The following RTEL1 variants were observed in gnomAD, a reference collection of about 807,000 sequenced individuals.
RTEL1 encodes regulator of telomere length.
In RTEL1, 86 loss-of-function variants were observed where a neutral mutation model predicts 162.2. That is an observed-to-expected ratio of 0.53 (90% CI 0.45 to 0.63). The LOEUF is 0.63. RTEL1 is among the 30% of genes least tolerant of loss of function. RTEL1 has a pLI of 0.00. For synonymous variants in RTEL1, 958 were observed against 717.9 expected, an observed-to-expected ratio of 1.33 and a Z score of -5.35; for missense variants, 1,941 against 1,750.2, an observed-to-expected ratio of 1.11 and a Z score of -1.95.
chr20:63,693,772 G>A (rs1445209970), intron 30 of RTEL1, among the ~76,000 whole-genome samples: 5 of 27,038 alleles, frequency 1.8e-4, no homozygotes, highest in African/African-American at 7.0e-4. Flanking sequence ...TCCACCAGCA[G>A]CAGCATCACT....
At position 63,661,196 on chromosome 20, in the gene RTEL1, G is replaced by A. The variant is rs552218572; in HGVS notation, c.103-102G>A. ...CCACCTGGCAGTGGCCTCTGCATCT[G>A]CAAAGAGCTGCCCGCTGGCTGCCGA... On this transcript the variant is annotated intron_variant, in intron 2 of 34. Coordinates refer to ENST00000360203, the MANE Select transcript of RTEL1 (RefSeq NM_001283009.2). This position sits in a 1 kb window ranked among gnomAD's most constrained non-coding sequence, Gnocchi z 5.1. 16 of 1,100,540 alleles carry A rather than the reference G, an allele frequency of 1.5e-5. No individual in the cohort carries two copies. The highest frequency in any genetic ancestry group is 1.8e-5 in the Non-Finnish European group (14 of 759,268). The allele number at this position is 1,100,540 out of a possible 1,614,324, so 68.2% of individuals were successfully genotyped here. A position where few individuals can be genotyped will look rare whatever the true frequency, so the allele number is the denominator to read the frequency against.
intron 8 of RTEL1, among the ~76,000 whole-genome samples, chr20:63,671,966 C>T (rs1266283493): frequency 6.6e-6 from 1 of 152,106 alleles, no homozygotes; most frequent in Non-Finnish European, 1.5e-5. Context: ...TCACATTAAC[C>T]TCTGCCTCCC....
intron 28 of RTEL1, 108 bp downstream of exon 28, chr20:63,691,945 C>A: frequency 1.3e-6 from 1 of 797,678 alleles, no homozygotes; most frequent in Non-Finnish European, 2.0e-6. Flanking sequence ...GGGAATCCAC[C>A]CCCAGGAGCT....
In RTEL1 at chr20:63,695,924, C is replaced by T. The variant is rs2090969503; in HGVS notation, c.*66C>T. On this transcript the variant is annotated 3_prime_UTR_variant, in exon 35 of 35. Transcript: ENST00000360203. ...CACCTGCCTGTCCAGCTCTGGTGGG[C>T]CAAGAACCCACCCAACAGAATAGGC... 2.7e-6 allele frequency: 4 copies of T among 1,468,896 alleles called. No homozygotes were observed. The South Asian group carries it at 3.7e-5, about 14-fold the overall frequency. 91.0% of individuals were successfully genotyped at this position (1,468,896 alleles called of 1,614,324 possible). A position where few individuals can be genotyped will look rare whatever the true frequency, so the allele number is the denominator to read the frequency against.
At position 63,665,989 on chromosome 20, in the gene RTEL1, G is replaced by A; in HGVS notation, c.539-15G>A. 1 of 1,613,208 alleles carries A rather than the reference G, an allele frequency of 6.2e-7. No individual in the cohort carries two copies. Among genetic ancestry groups the A allele is most frequent in the Non-Finnish European group, 8.5e-7 (1 of 1,179,312 alleles). On this transcript the variant is annotated splice_polypyrimidine_tract_variant and intron_variant, in intron 6 of 34. Transcript: ENST00000360203. The stretch of plus-strand genomic sequence containing the variant: ...ACCCTGAGGGTGTGTGTTTACCCCT[G>A]CCTCACACCTGCAGAAAAAAGCCTG...
In RTEL1 at chr20:63,678,149, G is replaced by A. The variant is rs767511395; in HGVS notation, c.924G>A (p.Leu308=). 8 of 1,614,096 alleles carry A rather than the reference G, an allele frequency of 5.0e-6. No individual in the cohort carries two copies. In the African/African-American group the frequency reaches 1.1e-4, roughly 22 times the overall value. ...TGCTGCCTTTCTCTTGCCCAGGGCT[G>A]AACATGGAGCTGGAAGACATTGCAA... ...EFSADSPSPG[L]NMELEDIAKL... Residue 308 remains leucine (L), a synonymous_variant, in exon 11 of 35, where the codon CTG becomes CTA. Transcript: ENST00000360203.
Position 63,693,462 on chromosome 20 carries a change from T to TTCACCACCACCACCTCCA in RTEL1, c.2992+179_2992+180insTCACCACCACCACCTCCA, listed in dbSNP as rs377133003. 4.2e-4 allele frequency among the ~76,000 whole-genome samples: 4 copies of TTCACCACCACCACCTCCA among 9,546 alleles called. 1 individual carries two copies. Among genetic ancestry groups the TTCACCACCACCACCTCCA allele is most frequent in the Admixed American group, 1.4e-3 (1 of 690 alleles). The allele number at this position is 9,546 out of a possible 152,430, so 6.3% of individuals were successfully genotyped here. On this transcript the variant is annotated intron_variant, in intron 30 of 34. Coordinates refer to ENST00000360203, the MANE Select transcript of RTEL1 (RefSeq NM_001283009.2). ...CAGCACCAGCAGCACCACCTCCACC[T>TTCACCACCACCACCTCCA]CCACCTCCACCTCCACCTCCACCAC... is the stretch of plus-strand genomic sequence containing the variant.
At position 63,693,456 on chromosome 20, in the gene RTEL1, T is replaced by TCCACCTTCACCACCA. The variant is rs2090831203; in HGVS notation, c.2992+179_2992+180insTCACCACCACCACCT. Among the ~76,000 whole-genome samples, 11 of 21,072 alleles carry TCCACCTTCACCACCA rather than the reference T, an allele frequency of 5.2e-4. 2 individuals are homozygous for TCCACCTTCACCACCA. Among genetic ancestry groups the TCCACCTTCACCACCA allele is most frequent in the African/African-American group, 2.1e-3 (8 of 3,726 alleles). 13.8% of individuals were successfully genotyped at this position (21,072 alleles called of 152,430 possible). On this transcript the variant is annotated intron_variant, in intron 30 of 34. Transcript: ENST00000360203. Reference sequence around the variant, plus strand: ...CACCACCAGCACCAGCAGCACCACCTCCACCTCCACCTCCACCTCCACCTC... The same window carrying TCCACCTTCACCACCA: ...CACCACCAGCACCAGCAGCACCACCTCCACCTTCACCACCACCACCTCCACCTCCACCTCCACCTC...
rs2090784564 is a variant in RTEL1 at position 63,692,805 on chromosome 20, G to C, written c.2653G>C (p.Glu885Gln). ...GGAGCCTCGGGCCTGTGTCCTGCAG[G>C]AGGAGCCCGTGGCTGGTGCACAGAC... is the stretch of plus-strand genomic sequence containing the variant. ...RKKIRLVSHP[E>Q]EPVAGAQTDR... Residue 885 changes from glutamate to glutamine, a missense_variant and splice_region_variant, in exon 29 of 35, where the codon GAG becomes CAG. By Grantham distance (29) the Glu-to-Gln change is conservative. Coordinates refer to ENST00000360203, the MANE Select transcript of RTEL1 (RefSeq NM_001283009.2). 8.1e-6 allele frequency: 13 copies of C among 1,609,750 alleles called. No individual in the cohort carries two copies. Among genetic ancestry groups the C allele is most frequent in the African/African-American group, 1.3e-5 (1 of 74,982 alleles).
At chr20:63,680,628 C>G in intron 13 of RTEL1, 36 bp from the exon 14 acceptor site, 11 of 1,610,694 alleles carry the variant, frequency 6.8e-6, no homozygotes, top group Non-Finnish European at 9.3e-6. Context: ...CCTCCCCTGC[C>G]TGCAGTGTGG....
intron 28 of RTEL1, chr20:63,692,483 G>A (rs2090772957): frequency 4.7e-6 from 2 of 426,040 alleles, no homozygotes; most frequent in Non-Finnish European, 4.4e-6. Flanking sequence ...ATCCGCTGTG[G>A]GGCAGGGGGC....
intron 6 of RTEL1, among the ~76,000 whole-genome samples, chr20:63,664,690 A>G (rs1044985623): frequency 1.3e-5 from 2 of 152,118 alleles, no homozygotes; most frequent in Admixed American, 6.5e-5. Context: ...ACAGGCTGTG[A>G]GGGGGTGTCT....
rs1177517214 is a variant in RTEL1 at position 63,674,061 on chromosome 20, A to T, written c.887A>T (p.His296Leu). Residue 296 changes from histidine (H) to leucine (L), a missense_variant, in exon 10 of 35, where the codon CAC (histidine) becomes CTC (leucine). Transcript: ENST00000360203. ...QTKAAQQGEP[H>L]PEFSADSPSP... ...AAGGCAGCGCAGCAGGGTGAGCCCCACCCGGAGTTCAGCGCGGACTCCCCC... is the reference window on the plus strand; with the variant it reads ...AAGGCAGCGCAGCAGGGTGAGCCCCTCCCGGAGTTCAGCGCGGACTCCCCC... 1 of 1,613,340 alleles carries T rather than the reference A, an allele frequency of 6.2e-7. No individual in the cohort carries two copies. Among genetic ancestry groups the T allele is most frequent in the African/African-American group, 1.3e-5 (1 of 74,816 alleles).
chr20:63,694,577 G>A (rs1379548397), intron 31 of RTEL1, 89 bp downstream of exon 31: 4 of 1,275,678 alleles, frequency 3.1e-6, no homozygotes, highest in Non-Finnish European at 2.2e-6. Flanking sequence ...GGCCGGGGCT[G>A]CCCCTGTGGG....
rs752948175 is a variant in RTEL1, at chr20:63,666,109, T to C, written c.614+30T>C. The C allele has an allele frequency of 3.8e-6, 6 of 1,564,988 alleles. No individual in the cohort carries two copies. In the East Asian group the frequency reaches 1.3e-4, roughly 35 times the overall value. On this transcript the variant is annotated intron_variant, in intron 7 of 34. Transcript: ENST00000360203. ...GACCCCTCAGTGAGGCCACGACCACTGTCCTTCCATGGCCCAGCTCTCCTG... is the reference window on the plus strand; with the variant it reads ...GACCCCTCAGTGAGGCCACGACCACCGTCCTTCCATGGCCCAGCTCTCCTG...
At chr20:63,693,465 ACCTCCACCTCCACCTCCACCACCACCT>A (rs2090836838) in intron 30 of RTEL1, among the ~76,000 whole-genome samples, 182 bp downstream of exon 30, 2 of 24,732 alleles carry the variant, frequency 8.1e-5, no homozygotes, top group African/African-American at 4.0e-4. Context: ...CTCCACCTCC[ACCTCCACCTCCACCTCCACCACCACCT>A]CCACCTCCAC....
Position 63,688,583 on chromosome 20 carries a change from G to A in RTEL1, c.1778G>A (p.Arg593Lys). 1 of 1,610,080 alleles carries A rather than the reference G, an allele frequency of 6.2e-7. No individual in the cohort carries two copies. Among genetic ancestry groups the A allele is most frequent in the Non-Finnish European group, 8.5e-7 (1 of 1,179,340 alleles). The change falls in exon 21 of 35, where the codon AGG becomes AAG. Residue 593 changes from arginine to lysine, a missense_variant. Arg to Lys is a conservative substitution (Grantham distance 26). Transcript: ENST00000360203. ...CTGAAGCCGCTGTTTGTGGAGCCCA[G>A]GAGCAAAGGCAGCTTCTCCGAGGTC... Reference protein sequence around the residue: ...EALKPLFVEPRSKGSFSETIS... With the variant: ...EALKPLFVEPKSKGSFSETIS...
At chr20:63,682,173 G>T in intron 14 of RTEL1, 1 of 985,446 alleles carries the variant, frequency 1.0e-6, no homozygotes, top group Non-Finnish European at 1.2e-6. Context: ...ATCCTAGAAT[G>T]TGGCTTCTGA....
intron 10 of RTEL1, among the ~76,000 whole-genome samples, chr20:63,676,867 G>A (rs564298882): frequency 4.6e-5 from 7 of 152,164 alleles, no homozygotes; most frequent in South Asian, 2.1e-4. Flanking sequence ...CCCAGGAGGC[G>A]GAGGTTGCAG....
Sources: allele counts gnomAD v4.1 joint callset (sites outside exome capture counted in the v4.1 genomes callset), GRCh38; gene constraint gnomAD v4.1.1; non-coding constraint Gnocchi (gnomAD v3.1); transcripts MANE v1.5; gene names NCBI Gene and HGNC (gene_info 2026-07-23, HGNC 2026-07-21).